RIGI: variants seen among roughly 807,000 people sequenced by gnomAD.
RIGI encodes antiviral innate immune response receptor RIG-I.
chr9:32,507,469 T>C, the RIGI span, among the ~76,000 whole-genome samples: 1 of 152,160 alleles, frequency 6.6e-6, no homozygotes, highest in Non-Finnish European at 1.5e-5. Flanking sequence ...CCCATATTTC[T>C]TGACGTTTTC....
the RIGI span, chr9:32,480,313 C>T: frequency 6.2e-7 from 1 of 1,609,524 alleles, no homozygotes. Context: ...GAGCATCTTT[C>T]ATTCGTGCAT....
the RIGI span, among the ~76,000 whole-genome samples, chr9:32,495,387 G>T: frequency 1.3e-5 from 2 of 152,018 alleles, 1 homozygote; most frequent in South Asian, 4.1e-4. Context: ...TTTTTTAGTA[G>T]AGATGGGGTT....
the RIGI span, among the ~76,000 whole-genome samples, chr9:32,499,089 T>C: frequency 1.9e-3 from 288 of 152,176 alleles, 1 homozygote; most frequent in Admixed American, 0.015. Context: ...GTTATCTCAC[T>C]GTGTTCCTAA....
chr9:32,482,442 C>G, the RIGI span, among the ~76,000 whole-genome samples: 1 of 152,130 alleles, frequency 6.6e-6, no homozygotes, highest in African/African-American at 2.4e-5. Flanking sequence ...TCTACTGGCT[C>G]TATGAGCTGA....
At chr9:32,467,365 G>A in the RIGI span, among the ~76,000 whole-genome samples, 2 of 151,652 alleles carry the variant, frequency 1.3e-5, no homozygotes, top group African/African-American at 4.9e-5. Context: ...AAAGGAAAAA[G>A]GAGGAAAGAA....
chr9:32,525,965 CA>C, the RIGI span: 2 of 967,562 alleles, frequency 2.1e-6, no homozygotes, highest in Non-Finnish European at 3.3e-6. Flanking sequence ...GGGAGTCTGG[CA>C]GGCTCTCTGC....
chr9:32,492,848 G>A, the RIGI span, among the ~76,000 whole-genome samples: 6 of 151,814 alleles, frequency 4.0e-5, no homozygotes, highest in African/African-American at 7.3e-5. Flanking sequence ...TCCCAATATG[G>A]GTATATTGGC....
chr9:32,501,229 A>C, the RIGI span, among the ~76,000 whole-genome samples: 2 of 151,814 alleles, frequency 1.3e-5, no homozygotes, highest in Non-Finnish European at 2.9e-5. Flanking sequence ...ATCTCCCTGC[A>C]AAAAGGGAGA....
the RIGI span, among the ~76,000 whole-genome samples, chr9:32,478,184 C>T: frequency 6.6e-6 from 1 of 152,072 alleles, no homozygotes; most frequent in Non-Finnish European, 1.5e-5. Flanking sequence ...ACTGGGATTA[C>T]AGGTGCGTGC....
chr9:32,481,582 C>A, the RIGI span: 1 of 1,016,856 alleles, frequency 9.8e-7, no homozygotes. Context: ...CTCTAATTTT[C>A]TTTTTCTTTT....
chr9:32,460,634 T>C, the RIGI span, among the ~76,000 whole-genome samples: 1 of 152,172 alleles, frequency 6.6e-6, no homozygotes, highest in African/African-American at 2.4e-5. Context: ...ACATAAAGTT[T>C]AGAACTGAAA....
the RIGI span, among the ~76,000 whole-genome samples, chr9:32,502,231 A>C: frequency 6.6e-6 from 1 of 152,234 alleles, no homozygotes; most frequent in Non-Finnish European, 1.5e-5. Flanking sequence ...CTGTATGGAT[A>C]CACCACATTT....
the RIGI span, among the ~76,000 whole-genome samples, chr9:32,484,602 C>G: frequency 2.6e-5 from 4 of 152,348 alleles, no homozygotes; most frequent in African/African-American, 9.6e-5. Context: ...CAGTTGGAAG[C>G]ATCTCACATG....
chr9:32,480,270 G>A, the RIGI span: 15 of 1,611,220 alleles, frequency 9.3e-6, no homozygotes, highest in African/African-American at 6.7e-5. Context: ...CCTGCTGCTC[G>A]GACATTGCTG....
chr9:32,467,164 C>T, the RIGI span, among the ~76,000 whole-genome samples: 10 of 151,984 alleles, frequency 6.6e-5, no homozygotes, highest in South Asian at 2.1e-4. Flanking sequence ...GTCAGGTTGG[C>T]GGAAGTGGAT....
chr9:32,485,970 G>A, the RIGI span, among the ~76,000 whole-genome samples: 2 of 152,190 alleles, frequency 1.3e-5, no homozygotes, highest in South Asian at 2.1e-4. Flanking sequence ...ACAGCTCCCA[G>A]CAGTATTCAC....
chr9:32,473,969 A>G, the RIGI span, among the ~76,000 whole-genome samples: 1 of 152,340 alleles, frequency 6.6e-6, no homozygotes, highest in Admixed American at 6.5e-5. Flanking sequence ...CATAGGTTGC[A>G]GTGAGCCGAG....
At chr9:32,498,437 G>T in the RIGI span, 30 of 444,590 alleles carry the variant, frequency 6.7e-5, no homozygotes, top group Non-Finnish European at 8.7e-5. Context: ...CCTGCTTCTG[G>T]CCCGAGGCTA....
chr9:32,504,069 C>CACACACACACACACACACACACACACA, the RIGI span, among the ~76,000 whole-genome samples: 1 of 48,746 alleles, frequency 2.1e-5, no homozygotes, highest in Non-Finnish European at 5.4e-5. Flanking sequence ...ACACACACAC[C>CACACACACACACACACACACACACACA]CAGGTCTGCC....
Sources: gnomAD v4.1 joint callset for allele counts (sites outside exome capture counted in the v4.1 genomes callset) on GRCh38, gnomAD v4.1.1 for gene constraint, MANE v1.5 for transcripts, NCBI Gene and HGNC (gene_info 2026-07-23, HGNC 2026-07-21) for gene names.